The following PTCD3 variants were observed in gnomAD, a reference collection of about 807,000 sequenced individuals.
PTCD3 encodes the protein pentatricopeptide repeat domain 3.
PTCD3 carries 89 observed loss-of-function variants against 101.9 expected under a neutral mutation model. The ratio of observed to expected loss-of-function variants is 0.87; its 90% confidence interval spans 0.74 to 1.04. PTCD3 has a LOEUF of 1.04. Among genes scored for constraint, PTCD3 ranks in the 50% least tolerant of loss-of-function variants. The pLI is 0.00. For synonymous variants in PTCD3, 296 were observed against 278.5 expected, an observed-to-expected ratio of 1.06 and a Z score of -0.63; for missense variants, 870 against 828.2, an observed-to-expected ratio of 1.05 and a Z score of -0.62.
chr2:86,133,122 C>T, intron 17 of PTCD3, 56 bp from the exon 18 acceptor site: 3 of 1,574,656 alleles, frequency 1.9e-6, no homozygotes, highest in East Asian at 4.5e-5. Flanking sequence ...CCCTTATTTC[C>T]CCTGTTGTTA....
At chr2:86,136,063 A>G in intron 21 of PTCD3, 1 of 517,978 alleles carries the variant, frequency 1.9e-6, no homozygotes, top group Admixed American at 2.0e-5. Context: ...TAAGAGAGGG[A>G]AACAGCAGGT....
At chr2:86,110,661 T>A (rs1674061342) in intron 3 of PTCD3, among the ~76,000 whole-genome samples, 1 of 152,194 alleles carries the variant, frequency 6.6e-6, no homozygotes, top group African/African-American at 2.4e-5. Context: ...TAAGAGTGTG[T>A]GTGACAGTCC....
At position 86,126,837 on chromosome 2, in the gene PTCD3, CA is replaced by C. The variant is rs1001983868; in HGVS notation, c.952-309del. ...GGGCAAGAAGAGCGAAACTTTGTCTCAAAAAAAAAAAAAAACCAACCACTTT... is the reference window on the plus strand; with the variant it reads ...GGGCAAGAAGAGCGAAACTTTGTCTCAAAAAAAAAAAAAACCAACCACTTT... On this transcript the variant is annotated intron_variant, in intron 12 of 23. Transcript: ENST00000254630. Among the ~76,000 whole-genome samples, 497 of 122,214 alleles carry C rather than the reference CA, an allele frequency of 4.1e-3. 1 individual carries two copies. Among genetic ancestry groups the C allele is most frequent in the African/African-American group, 8.6e-3 (293 of 33,964 alleles). The allele number at this position is 122,214 out of a possible 152,430, so 80.2% of individuals were successfully genotyped here.
intron 9 of PTCD3, 51 bp downstream of exon 9, chr2:86,123,813 G>A: frequency 8.2e-7 from 1 of 1,217,156 alleles, no homozygotes; most frequent in Non-Finnish European, 1.1e-6. Context: ...ACAGTGCATG[G>A]AATATGCCCC....
rs755440448 is a variant in PTCD3 at position 86,118,994 on chromosome 2, T to C, written c.488T>C (p.Leu163Pro). 3 of 1,614,084 alleles carry C rather than the reference T, an allele frequency of 1.9e-6. No individual in the cohort carries two copies. Among genetic ancestry groups the C allele is most frequent in the Non-Finnish European group, 2.5e-6 (3 of 1,180,008 alleles). Reference protein sequence around the residue: ...SEAALKERIELRKVKASVDMF... With the variant: ...SEAALKERIEPRKVKASVDMF... ...GCCGCCCTGAAGGAACGAATTGAGC[T>C]CAGAAAAGTCAAAGCCTCTGTGGAC... The change falls in exon 7 of 24, where the codon CTC (leucine) becomes CCC (proline). Residue 163 changes from leucine (L) to proline (P), a missense_variant. Coordinates refer to ENST00000254630, the MANE Select transcript of PTCD3 (RefSeq NM_017952.6).
chr2:86,110,346 CTTTTG>C (rs1310198584), intron 3 of PTCD3, among the ~76,000 whole-genome samples: 1 of 152,064 alleles, frequency 6.6e-6, no homozygotes, highest in Non-Finnish European at 1.5e-5. Context: ...ATTTCCTGTA[CTTTTG>C]TTTTTCTCAG....
chr2:86,127,107 T>G (rs1265412734), intron 12 of PTCD3, 54 bp from the exon 13 acceptor site: 13 of 1,494,554 alleles, frequency 8.7e-6, no homozygotes, highest in African/African-American at 2.8e-5. Flanking sequence ...AAACATAGAT[T>G]ATTGGACAGA....
At chr2:86,135,839 C>CG (rs1558800977) in intron 21 of PTCD3, 1 of 491,902 alleles carries the variant, frequency 2.0e-6, no homozygotes, top group Non-Finnish European at 4.1e-6. Context: ...TGGTTGTTAG[C>CG]GCAGGCAGTT....
intron 21 of PTCD3, 62 bp downstream of exon 21, chr2:86,135,049 C>T (rs1025622125): frequency 1.3e-5 from 20 of 1,510,476 alleles, no homozygotes; most frequent in Admixed American, 2.0e-5. Context: ...AAAACATTGG[C>T]CCACGCTGGT....
chr2:86,131,167 G>A, intron 16 of PTCD3, 61 bp downstream of exon 16: 1 of 1,234,090 alleles, frequency 8.1e-7, no homozygotes, highest in Non-Finnish European at 1.1e-6. Flanking sequence ...TAACTGGAGG[G>A]TTCTCCCTGG....
In PTCD3 at chr2:86,137,699, C is replaced by G. The variant is rs1167759517; in HGVS notation, c.*140C>G. On this transcript the variant is annotated 3_prime_UTR_variant, in exon 24 of 24. Transcript: ENST00000254630. ...TGAATTTGTTACTGTGAGGTACAGT[C>G]AGTACACAGCTGACTTATGTAGATT... The G allele has an allele frequency of 4.9e-5, 60 of 1,232,254 alleles. No homozygotes were observed. Among genetic ancestry groups the G allele is most frequent in the Non-Finnish European group, 6.5e-5 (58 of 889,102 alleles). 76.3% of individuals were successfully genotyped at this position (1,232,254 alleles called of 1,614,324 possible). A position where few individuals can be genotyped will look rare whatever the true frequency, so the allele number is the denominator to read the frequency against.
At chr2:86,136,768 TC>T in intron 22 of PTCD3, 1 of 805,886 alleles carries the variant, frequency 1.2e-6, no homozygotes. Flanking sequence ...ATTGAATAGA[TC>T]ATCATGAAGT....
intron 16 of PTCD3, among the ~76,000 whole-genome samples, chr2:86,131,691 A>G (rs143373912): frequency 3.0e-4 from 45 of 152,364 alleles, no homozygotes; most frequent in African/African-American, 8.9e-4. Context: ...ATCATAGGAA[A>G]AATTTCAGGC....
At chr2:86,119,924 T>TA (rs2104453040) in intron 7 of PTCD3, among the ~76,000 whole-genome samples, 1 of 152,316 alleles carries the variant, frequency 6.6e-6, no homozygotes, top group South Asian at 2.1e-4. Context: ...AAAATCTACA[T>TA]ATAGCAACAT....
intron 3 of PTCD3, among the ~76,000 whole-genome samples, chr2:86,110,670 C>T (rs1674061526): frequency 6.6e-6 from 1 of 152,114 alleles, no homozygotes; most frequent in Non-Finnish European, 1.5e-5. Context: ...GTGTGACAGT[C>T]CTCCATGGAT....
chr2:86,133,647 C>T (rs561743938), intron 19 of PTCD3, among the ~76,000 whole-genome samples: 2 of 152,190 alleles, frequency 1.3e-5, no homozygotes, highest in East Asian at 1.9e-4. Context: ...TCAGTCCCTT[C>T]GTGACATAGG....
At chr2:86,112,806 C>T (rs1573847972) in intron 4 of PTCD3, among the ~76,000 whole-genome samples, 1 of 151,954 alleles carries the variant, frequency 6.6e-6, no homozygotes, top group East Asian at 1.9e-4. Flanking sequence ...TAATTAAAGG[C>T]TTAATTTCAC....
chr2:86,140,780 T>C lies in PTCD3; in HGVS notation c.*3221T>C, dbSNP rs1023061145. 6.6e-6 allele frequency: 1 copy of C among 151,832 alleles called. No homozygotes were observed. Among genetic ancestry groups the C allele is most frequent in the Non-Finnish European group, 1.5e-5 (1 of 67,970 alleles). The allele number at this position is 151,832 out of a possible 1,614,324, so 9.4% of individuals were successfully genotyped here. The stretch of plus-strand genomic sequence containing the variant: ...TCATCCTGGCCCAGGAAATAGCCTA[T>C]TAAAAAATGCTGTCCAGGCCAGGCA... On this transcript the variant is annotated 3_prime_UTR_variant, in exon 24 of 24. Transcript: ENST00000254630.
chr2:86,121,000 A>G (rs1055424517), intron 7 of PTCD3, among the ~76,000 whole-genome samples: 5 of 152,216 alleles, frequency 3.3e-5, no homozygotes, highest in Non-Finnish European at 4.4e-5. Context: ...AGATGGGGAC[A>G]TAATGTTTTG....
Sources: gnomAD v4.1 joint callset for allele counts (sites outside exome capture counted in the v4.1 genomes callset) on GRCh38, gnomAD v4.1.1 for gene constraint, MANE v1.5 for transcripts, NCBI Gene and HGNC (gene_info 2026-07-23, HGNC 2026-07-21) for gene names.